The following TSPAN15 variants were observed in gnomAD, a reference collection of about 807,000 sequenced individuals.
TSPAN15 encodes the protein tetraspanin 15.
A neutral mutation model predicts 34.5 loss-of-function variants in TSPAN15; 20 were observed. The observed-to-expected ratio is 0.58, with a 90% CI of 0.41 to 0.84. The LOEUF (loss-of-function observed/expected upper bound fraction) is 0.84. Ranked by LOEUF, TSPAN15 falls within the 40% of genes least tolerant of loss-of-function variation. The probability of loss-of-function intolerance (pLI) is 0.00; values close to 1 mark genes in which losing one functional copy is unlikely to be tolerated. For missense variants in TSPAN15, 313 were observed against 386.1 expected, an observed-to-expected ratio of 0.81 and a Z score of 1.59; for synonymous variants, 155 against 153.9, an observed-to-expected ratio of 1.01 and a Z score of -0.05.
chr10:69,508,238 C>T (rs576087514), downstream of TSPAN15, among the ~76,000 whole-genome samples: 2 of 151,612 alleles, frequency 1.3e-5, no homozygotes, highest in African/African-American at 2.4e-5. Context: ...GTCAGGTGTT[C>T]GAGACCAGCC....
downstream of TSPAN15, among the ~76,000 whole-genome samples, chr10:69,508,440 C>CA (rs71009229): frequency 5.8e-4 from 36 of 62,174 alleles, no homozygotes; most frequent in East Asian, 7.0e-4. Flanking sequence ...GACTCCATCT[C>CA]AAAAAAAAAA....
rs1271022341 is a variant in TSPAN15, at chr10:69,465,848, A to G, written c.96+14158A>G. ...TCAAACATGTTCTAGGCATGAGGGC[A>G]TCTCTGATCCTCCCCGAAGCTCTGC... On this transcript the variant is annotated intron_variant, in intron 1 of 7. Coordinates refer to ENST00000373290, the MANE Select transcript of TSPAN15 (RefSeq NM_012339.5). Among the ~76,000 whole-genome samples the G allele has an allele frequency of 4.7e-5, 6 of 128,646 alleles. No homozygotes were observed. In the South Asian group the frequency reaches 1.5e-3, roughly 32 times the overall value. 84.4% of individuals were successfully genotyped at this position (128,646 alleles called of 152,430 possible). A position where few individuals can be genotyped will look rare whatever the true frequency, so the allele number is the denominator to read the frequency against.
chr10:69,531,962 CTT>C, the TSPAN15 span, among the ~76,000 whole-genome samples: 339 of 137,082 alleles, frequency 2.5e-3, 2 homozygotes, highest in African/African-American at 8.3e-3. Flanking sequence ...AAAAAAAAAA[CTT>C]AGGAATATTA....
chr10:69,513,849 C>T, the TSPAN15 span, among the ~76,000 whole-genome samples: 2 of 152,258 alleles, frequency 1.3e-5, no homozygotes, highest in African/African-American at 4.8e-5. Context: ...TGAATTTCCA[C>T]TGAATTGCCT....
At chr10:69,534,358 G>A in the TSPAN15 span, among the ~76,000 whole-genome samples, 27 of 152,256 alleles carry the variant, frequency 1.8e-4, no homozygotes, top group African/African-American at 5.3e-4. Flanking sequence ...AGACACCAGC[G>A]TAAAGACTGG....
chr10:69,497,960 T>G (rs1472929047), intron 4 of TSPAN15, among the ~76,000 whole-genome samples: 1 of 152,132 alleles, frequency 6.6e-6, no homozygotes, highest in African/African-American at 2.4e-5. Flanking sequence ...GCACCTGCAT[T>G]TGGGGACACG....
At chr10:69,508,651 C>A (rs941033031), downstream of TSPAN15, among the ~76,000 whole-genome samples, 2 of 152,030 alleles carry the variant, frequency 1.3e-5, no homozygotes, top group East Asian at 3.9e-4. Flanking sequence ...AACAAACACA[C>A]CATAGAGCAT....
chr10:69,484,124 A>G (rs1841798182), intron 2 of TSPAN15: 1 of 417,742 alleles, frequency 2.4e-6, no homozygotes, highest in East Asian at 3.5e-5. Flanking sequence ...CTCAGTTGCG[A>G]GTAGGAAAAA....
At chr10:69,490,676 G>A (rs946390500) in intron 3 of TSPAN15, among the ~76,000 whole-genome samples, 4 of 152,236 alleles carry the variant, frequency 2.6e-5, no homozygotes, top group East Asian at 1.9e-4. Flanking sequence ...AGCCATGATC[G>A]TGCTACTGCA....
intron 1 of TSPAN15, among the ~76,000 whole-genome samples, chr10:69,467,672 A>ACT (rs1265450885): frequency 3.3e-4 from 43 of 131,648 alleles, no homozygotes; most frequent in Non-Finnish European, 6.9e-4. Context: ...ACACACACAC[A>ACT]CACCTCTTCT....
chr10:69,481,284 G>A (rs1214096470), intron 1 of TSPAN15, among the ~76,000 whole-genome samples: 1 of 152,212 alleles, frequency 6.6e-6, no homozygotes, highest in African/African-American at 2.4e-5. Context: ...CTGCCGGCCT[G>A]TGTGTTGGAA....
intron 1 of TSPAN15, among the ~76,000 whole-genome samples, chr10:69,462,246 C>T (rs1841284643): frequency 6.7e-6 from 1 of 150,074 alleles, no homozygotes; most frequent in Admixed American, 6.7e-5. Flanking sequence ...AGTGATCCAC[C>T]TGCTTCCGCT....
intron 1 of TSPAN15, 76 bp downstream of exon 1, chr10:69,451,766 G>A: frequency 8.2e-7 from 1 of 1,225,444 alleles, no homozygotes; most frequent in Non-Finnish European, 1.1e-6. Flanking sequence ...GCCCGGGGTT[G>A]GGTCCACACT....
intron 1 of TSPAN15, among the ~76,000 whole-genome samples, chr10:69,467,447 G>A (rs1175456377): frequency 6.6e-6 from 1 of 152,126 alleles, no homozygotes; most frequent in Non-Finnish European, 1.5e-5. Flanking sequence ...CAAACCTGTA[G>A]TAAACAAACC....
In TSPAN15 at chr10:69,499,303, G is replaced by A. The variant is rs115617278; in HGVS notation, c.570+907G>A. Among the ~76,000 whole-genome samples, 1,512 of 152,260 alleles carry A rather than the reference G, an allele frequency of 9.9e-3. 25 individuals are homozygous for A. Among genetic ancestry groups the A allele is most frequent in the African/African-American group, 0.034 (1,412 of 41,544 alleles). The stretch of plus-strand genomic sequence containing the variant: ...CTGAGCAGCTGCGGGTGGGGGCCTC[G>A]CCCATGAGTCAGAGAGCCAGTGCCA... On this transcript the variant is annotated intron_variant, in intron 5 of 7. Coordinates refer to ENST00000373290, the MANE Select transcript of TSPAN15 (RefSeq NM_012339.5).
rs919863406 is a variant in TSPAN15, at chr10:69,494,115, G to A, written c.358-1479G>A. On this transcript the variant is annotated intron_variant, in intron 3 of 7. Transcript: ENST00000373290. ...GTCCCAGCGTCTCTCTGCCAGTGGTGTGCTGGGCAACCTCGGACTAGCCAC... is the reference window on the plus strand; with the variant it reads ...GTCCCAGCGTCTCTCTGCCAGTGGTATGCTGGGCAACCTCGGACTAGCCAC... Among the ~76,000 whole-genome samples, 20 of 152,300 alleles carry A rather than the reference G, an allele frequency of 1.3e-4. No individual in the cohort carries two copies. In the South Asian group the frequency reaches 2.1e-3, roughly 16 times the overall value.
chr10:69,545,385 C>T, the TSPAN15 span, among the ~76,000 whole-genome samples: 1 of 152,136 alleles, frequency 6.6e-6, no homozygotes, highest in Non-Finnish European at 1.5e-5. Flanking sequence ...GAGGAGGCTA[C>T]GGAAATGCGG....
chr10:69,459,120 A>C (rs1446601192), intron 1 of TSPAN15, among the ~76,000 whole-genome samples: 2 of 98,298 alleles, frequency 2.0e-5, no homozygotes, highest in East Asian at 2.1e-4. Context: ...AAAAAAAAAA[A>C]AAAAACAACA....
chr10:69,500,715 T>C (rs1253802615), intron 5 of TSPAN15, among the ~76,000 whole-genome samples: 1 of 152,196 alleles, frequency 6.6e-6, no homozygotes, highest in Non-Finnish European at 1.5e-5. Flanking sequence ...GGCCATCTGC[T>C]TTACTTAGTC....
Sources: allele counts gnomAD v4.1 joint callset (sites outside exome capture counted in the v4.1 genomes callset), GRCh38; gene constraint gnomAD v4.1.1; transcripts MANE v1.5; gene names NCBI Gene and HGNC (gene_info 2026-07-23, HGNC 2026-07-21).